CELF2: variants seen among roughly 807,000 people sequenced by gnomAD.
CELF2 encodes the protein CUGBP Elav-like family member 2.
Under a neutral mutation model 62.6 loss-of-function variants are expected in CELF2, and 8 were observed. The observed-to-expected ratio is 0.13, with a 90% CI of 0.07 to 0.23. CELF2 has a LOEUF of 0.23. CELF2 is among the 10% of genes least tolerant of loss of function. CELF2 has a pLI of 1.00. For missense variants in CELF2, 333 were observed against 671.0 expected, an observed-to-expected ratio of 0.50 and a Z score of 5.56; for synonymous variants, 258 against 250.0, an observed-to-expected ratio of 1.03 and a Z score of -0.30.
the CELF2 span, among the ~76,000 whole-genome samples, chr10:10,733,472 G>C: frequency 6.6e-6 from 1 of 152,100 alleles, no homozygotes; most frequent in Non-Finnish European, 1.5e-5. Flanking sequence ...ACTCAGCTGA[G>C]ACCTTAGGGC....
At chr10:10,875,553 G>A (rs552495328) in intron 1 of CELF2, among the ~76,000 whole-genome samples, 5 of 152,288 alleles carry the variant, frequency 3.3e-5, no homozygotes, top group South Asian at 2.1e-4. Flanking sequence ...GGCTAAACTC[G>A]CTTTGTTTAC....
rs559438898 is a variant in CELF2, at chr10:10,871,242, A to C, written c.54-48722A>C. 8.8e-4 allele frequency among the ~76,000 whole-genome samples: 134 copies of C among 152,306 alleles called. 4 individuals are homozygous for C. The South Asian group carries it at 0.026, about 30-fold the overall frequency. On this transcript the variant is annotated intron_variant, in intron 1 of 13. Coordinates refer to the CELF2 transcript ENST00000636488. ...TTTTTAGCTTTGTTCTGTTTCCCTGAGCATTCCTCATTAGGAAAAGAAACT... is the reference window on the plus strand; with the variant it reads ...TTTTTAGCTTTGTTCTGTTTCCCTGCGCATTCCTCATTAGGAAAAGAAACT...
chr10:10,815,566 C>T (rs1312223991), intron 1 of CELF2, among the ~76,000 whole-genome samples: 2 of 152,184 alleles, frequency 1.3e-5, no homozygotes, highest in Non-Finnish European at 2.9e-5. Context: ...TTGAACATAT[C>T]TTGGGCAAAG....
chr10:10,604,093 C>T, the CELF2 span, among the ~76,000 whole-genome samples: 1 of 152,018 alleles, frequency 6.6e-6, no homozygotes, highest in Non-Finnish European at 1.5e-5. Context: ...GCCTGTAGTC[C>T]CCACTACTAG....
Position 11,318,968 on chromosome 10 carries a change from T to C in CELF2, c.1097-2221T>C, listed in dbSNP as rs1299286335. The C allele has an allele frequency of 6.4e-6, 3 of 470,960 alleles. No homozygotes were observed. The highest frequency in any genetic ancestry group is 4.6e-5 in the South Asian group (3 of 64,570). The allele number at this position is 470,960 out of a possible 1,614,324, so 29.2% of individuals were successfully genotyped here. On this transcript the variant is annotated intron_variant, in intron 10 of 12. Transcript: ENST00000633077. This position sits in a 1 kb window ranked among gnomAD's most constrained non-coding sequence, Gnocchi z 5.4. Reference sequence around the variant, plus strand: ...TGGTGCGATGCTGCCCACCCCTCCATGGGAACTTGGAGGCGTCCACTGGAG... The same window carrying C: ...TGGTGCGATGCTGCCCACCCCTCCACGGGAACTTGGAGGCGTCCACTGGAG...
At chr10:11,169,623 T>C (rs914643872) in intron 2 of CELF2, among the ~76,000 whole-genome samples, 1 of 152,208 alleles carries the variant, frequency 6.6e-6, no homozygotes, top group Non-Finnish European at 1.5e-5. Context: ...TTAGCAAGCC[T>C]TCCTTCCCAG....
intron 1 of CELF2, among the ~76,000 whole-genome samples, chr10:11,088,731 C>T (rs1344490270): frequency 6.6e-6 from 1 of 152,192 alleles, no homozygotes; most frequent in East Asian, 1.9e-4. Context: ...TCCTTATGGA[C>T]TGCGTGGGTC....
rs1489993682 is a variant in CELF2, at chr10:11,330,773, T to TGAAAGTATTATAC, written c.*1721_*1733dup. On this transcript the variant is annotated 3_prime_UTR_variant, in exon 13 of 13. Coordinates refer to ENST00000633077, the MANE Select transcript of CELF2 (RefSeq NM_001326342.2). This position sits in a 1 kb window ranked among gnomAD's most constrained non-coding sequence, Gnocchi z 4.5. ...TTTTTTTCTTTTCCTAAAACAGACT[T>TGAAAGTATTATAC]GAAAGTATTATACAGGGATTGGCAT... The TGAAAGTATTATAC allele has an allele frequency of 1.3e-5, 2 of 152,592 alleles. No individual in the cohort carries two copies. Among genetic ancestry groups the TGAAAGTATTATAC allele is most frequent in the Non-Finnish European group, 2.9e-5 (2 of 68,044 alleles). 9.5% of individuals were successfully genotyped at this position (152,592 alleles called of 1,614,324 possible). A position where few individuals can be genotyped will look rare whatever the true frequency, so the allele number is the denominator to read the frequency against.
rs1025574625 is a variant in CELF2, at chr10:11,330,127, A to G, written c.*1074A>G. ...TCTCGTTGTTTGTATCTGTCTGATTATTTTGTTTGTAACTTCCATTATCTA... is the reference window on the plus strand; with the variant it reads ...TCTCGTTGTTTGTATCTGTCTGATTGTTTTGTTTGTAACTTCCATTATCTA... On this transcript the variant is annotated 3_prime_UTR_variant, in exon 13 of 13. Transcript: ENST00000633077. This position sits in a 1 kb window ranked among gnomAD's most constrained non-coding sequence, Gnocchi z 4.5. 5.9e-5 allele frequency: 9 copies of G among 152,434 alleles called. No homozygotes were observed. The highest frequency in any genetic ancestry group is 5.2e-4 in the Admixed American group (8 of 15,262). The allele number at this position is 152,434 out of a possible 1,614,324, so 9.4% of individuals were successfully genotyped here.
At chr10:11,327,158 G>C (rs1591656385) in intron 12 of CELF2, among the ~76,000 whole-genome samples, 1 of 131,254 alleles carries the variant, frequency 7.6e-6, no homozygotes, top group Admixed American at 8.8e-5. Flanking sequence ...CCGTGTGACA[G>C]TTCAGTAGAG....
At position 11,224,173 on chromosome 10, in the gene CELF2, G is replaced by GA. The variant is rs2065760886; in HGVS notation, c.354+6668dup. Reference sequence around the variant, plus strand: ...AATAGCCACACCACTTTTGGCCTCAGAACCCAGTGGAAGGCAATGTTTAGT... The same window carrying GA: ...AATAGCCACACCACTTTTGGCCTCAGAAACCCAGTGGAAGGCAATGTTTAGT... On this transcript the variant is annotated intron_variant, in intron 3 of 12. Coordinates refer to ENST00000633077, the MANE Select transcript of CELF2 (RefSeq NM_001326342.2). This position sits in a 1 kb window ranked among gnomAD's most constrained non-coding sequence, Gnocchi z 4.5. Among the ~76,000 whole-genome samples the GA allele has an allele frequency of 6.6e-6, 1 of 152,208 alleles. No homozygotes were observed. The highest frequency in any genetic ancestry group is 6.5e-5 in the Admixed American group (1 of 15,288).
chr10:10,544,339 G>A, the CELF2 span, among the ~76,000 whole-genome samples: 1 of 152,232 alleles, frequency 6.6e-6, no homozygotes, highest in Non-Finnish European at 1.5e-5. Context: ...TAGATTGGAG[G>A]AATATTTTGT....
chr10:11,144,226 C>T (rs892900201), intron 1 of CELF2, among the ~76,000 whole-genome samples: 1 of 152,088 alleles, frequency 6.6e-6, no homozygotes, highest in East Asian at 1.9e-4. Flanking sequence ...AGAAAAGCAG[C>T]AGGCTTGTGA....
the CELF2 span, among the ~76,000 whole-genome samples, chr10:10,588,298 A>G: frequency 1.3e-5 from 2 of 152,156 alleles, no homozygotes; most frequent in Non-Finnish European, 2.9e-5. Context: ...GAGGAAGACT[A>G]TTTCCTAACA....
chr10:10,490,789 T>C, the CELF2 span, among the ~76,000 whole-genome samples: 5 of 152,074 alleles, frequency 3.3e-5, no homozygotes, highest in South Asian at 4.1e-4. Flanking sequence ...TCTTCCCACA[T>C]GAATACCAAG....
chr10:11,185,652 G>A (rs1318990740), intron 2 of CELF2, among the ~76,000 whole-genome samples: 1 of 152,174 alleles, frequency 6.6e-6, no homozygotes, highest in African/African-American at 2.4e-5. Context: ...GACCTCAGGT[G>A]ATGCGCCTGC....
chr10:11,099,259 A>G (rs1312706521), intron 1 of CELF2, among the ~76,000 whole-genome samples: 1 of 152,230 alleles, frequency 6.6e-6, no homozygotes, highest in Non-Finnish European at 1.5e-5. Flanking sequence ...AAAATGATTA[A>G]TAGCCCCCAT....
intron 2 of CELF2, among the ~76,000 whole-genome samples, chr10:10,994,676 C>T (rs997446255): frequency 2.6e-5 from 4 of 152,148 alleles, no homozygotes; most frequent in African/African-American, 9.7e-5. Context: ...GAGTCTAATG[C>T]CTGATGATCT....
At chr10:10,790,056 G>C in the CELF2 span, among the ~76,000 whole-genome samples, 1 of 151,832 alleles carries the variant, frequency 6.6e-6, no homozygotes, top group East Asian at 1.9e-4. Context: ...GCTTCACTTT[G>C]TATATTTAAC....
Sources: gnomAD v4.1 joint callset for allele counts (sites outside exome capture counted in the v4.1 genomes callset) on GRCh38, gnomAD v4.1.1 for gene constraint, Gnocchi (gnomAD v3.1) non-coding constraint, MANE v1.5 for transcripts, NCBI Gene and HGNC (gene_info 2026-07-23, HGNC 2026-07-21) for gene names.